NVL: variants seen among roughly 807,000 people sequenced by gnomAD.
The protein encoded by NVL is nuclear VCP like.
A neutral mutation model predicts 110.2 loss-of-function variants in NVL; 84 were observed. That is an observed-to-expected ratio of 0.76 (90% CI 0.64 to 0.91). The LOEUF (loss-of-function observed/expected upper bound fraction) is 0.91, where lower values mean the gene tolerates loss of function less well. Ranked by LOEUF, NVL falls within the 40% of genes least tolerant of loss-of-function variation. The pLI is 0.00. For missense variants in NVL, 882 were observed against 1,035.9 expected (o/e 0.85, Z 2.04); for synonymous variants, 354 against 361.1 (o/e 0.98, Z 0.22).
chr1:224,282,530 G>T (rs1486949132), intron 15 of NVL, among the ~76,000 whole-genome samples: 1 of 152,210 alleles, frequency 6.6e-6, no homozygotes. Context: ...TCAGTGTTGA[G>T]AAACTCATAG....
chr1:224,261,958 C>T (rs1173431904), intron 18 of NVL, among the ~76,000 whole-genome samples: 1 of 151,930 alleles, frequency 6.6e-6, no homozygotes, highest in Non-Finnish European at 1.5e-5. Flanking sequence ...GAGACCCTGT[C>T]TCAAAAATAC....
chr1:224,322,723 G>A (rs1286405134), intron 2 of NVL, among the ~76,000 whole-genome samples: 1 of 152,152 alleles, frequency 6.6e-6, no homozygotes, highest in African/African-American at 2.4e-5. Flanking sequence ...GGAGAATGAG[G>A]CGGGCAGATT....
chr1:224,327,185 G>A (rs1450901709), intron 1 of NVL, among the ~76,000 whole-genome samples: 4 of 151,740 alleles, frequency 2.6e-5, no homozygotes, highest in East Asian at 1.9e-4. Context: ...GCTCACACCC[G>A]TAATCCCAGC....
At chr1:224,234,041 C>T (rs1389105830) in intron 20 of NVL, among the ~76,000 whole-genome samples, 1 of 151,960 alleles carries the variant, frequency 6.6e-6, no homozygotes, top group Non-Finnish European at 1.5e-5. Flanking sequence ...AGAAAACCCC[C>T]CAAAAAGTCA....
intron 17 of NVL, among the ~76,000 whole-genome samples, chr1:224,274,534 G>A (rs988296367): frequency 6.6e-6 from 1 of 151,936 alleles, no homozygotes; most frequent in Non-Finnish European, 1.5e-5. Flanking sequence ...CTACTCAGGA[G>A]GCTGAGGGAG....
At chr1:224,302,939 C>T in intron 9 of NVL, 1 of 313,730 alleles carries the variant, frequency 3.2e-6, no homozygotes, top group Non-Finnish European at 6.3e-6. Flanking sequence ...TTTCCAGTTA[C>T]TCGGGAGGCT....
chr1:224,294,501 G>T, intron 11 of NVL, 90 bp from the exon 12 acceptor site: 1 of 1,395,604 alleles, frequency 7.2e-7, no homozygotes, highest in Non-Finnish European at 1.0e-6. Flanking sequence ...TAAAGATAAA[G>T]TATTACAGAT....
chr1:224,252,687 G>A (rs7537786), intron 18 of NVL, among the ~76,000 whole-genome samples: 56,789 of 151,976 alleles, frequency 0.37, 10,877 homozygotes, highest in East Asian at 0.51. Context: ...CTTGGAAATA[G>A]GAAAGAATAT....
chr1:224,296,642 A>G (rs1667910179), intron 10 of NVL, 24 bp from the exon 11 acceptor site: 20 of 1,433,074 alleles, frequency 1.4e-5, no homozygotes, highest in Non-Finnish European at 1.9e-5. Context: ...TATCACAAAA[A>G]GACAATCATA....
At chr1:224,232,391 AAT>A (rs1659996092) in intron 21 of NVL, among the ~76,000 whole-genome samples, 1 of 151,990 alleles carries the variant, frequency 6.6e-6, no homozygotes, top group African/African-American at 2.4e-5. Flanking sequence ...ACAAAATAAA[AAT>A]AGAGACAGGG....
Position 224,317,749 on chromosome 1 carries a change from C to G in NVL, c.229G>C (p.Glu77Gln), listed in dbSNP as rs1381422700. Reference protein sequence around the residue: ...SSEKELKNLTELEDEHLAKRA... With the variant: ...SSEKELKNLTQLEDEHLAKRA... ...TTTGCCAAATGTTCATCTTCTAATTCTGTTAAATTCTTAAGTTCCTTCTCA... is the reference window on the plus strand; with the variant it reads ...TTTGCCAAATGTTCATCTTCTAATTGTGTTAAATTCTTAAGTTCCTTCTCA... Residue 77 changes from glutamate (E) to glutamine (Q), a missense_variant, in exon 4 of 23, where the codon GAA becomes CAA. Glu to Gln is a conservative substitution (Grantham distance 29). This residue lies in a region of NVL where 274 missense variants were observed against 268.4 expected (regional missense o/e 1.02). Transcript: ENST00000281701. 6.2e-7 allele frequency: 1 copy of G among 1,610,154 alleles called. No homozygotes were observed. The highest frequency in any genetic ancestry group is 8.5e-7 in the Non-Finnish European group (1 of 1,176,784).
At chr1:224,254,579 T>TTG (rs1553310932) in intron 18 of NVL, among the ~76,000 whole-genome samples, 1 of 145,306 alleles carries the variant, frequency 6.9e-6, no homozygotes, top group Non-Finnish European at 1.5e-5. Context: ...TTTGTTTTTT[T>TTG]TTTTTTTGTA....
At chr1:224,301,450 T>C (rs1360403761) in intron 9 of NVL, among the ~76,000 whole-genome samples, 1 of 152,142 alleles carries the variant, frequency 6.6e-6, no homozygotes, top group African/African-American at 2.4e-5. Context: ...GCAAGGGTTG[T>C]GACACAGATG....
intron 8 of NVL, among the ~76,000 whole-genome samples, chr1:224,304,170 T>TA (rs1668685523): frequency 6.6e-6 from 1 of 152,202 alleles, no homozygotes; most frequent in Admixed American, 6.5e-5. Context: ...CTCACGCCTG[T>TA]AATCCCAGCA....
chr1:224,328,119 C>T (rs146529436), intron 1 of NVL, among the ~76,000 whole-genome samples: 2,833 of 152,128 alleles, frequency 0.019, 49 homozygotes, highest in Admixed American at 0.061. Flanking sequence ...ATGTGCAGAA[C>T]ATGCGGGTTT....
chr1:224,251,944 T>C (rs1301828143), intron 18 of NVL, among the ~76,000 whole-genome samples: 2 of 152,182 alleles, frequency 1.3e-5, no homozygotes, highest in Non-Finnish European at 2.9e-5. Flanking sequence ...GTTATTGTCC[T>C]AAAATACACG....
At chr1:224,260,012 T>C (rs1223309919) in intron 18 of NVL, among the ~76,000 whole-genome samples, 1 of 152,158 alleles carries the variant, frequency 6.6e-6, no homozygotes, top group African/African-American at 2.4e-5. Context: ...TCATAGCATC[T>C]ATAACTCAGC....
At chr1:224,285,230 T>A (rs1666746043) in intron 15 of NVL, among the ~76,000 whole-genome samples, 1 of 151,922 alleles carries the variant, frequency 6.6e-6, no homozygotes, top group Non-Finnish European at 1.5e-5. Flanking sequence ...AGGTCAGGAG[T>A]TCGAGACCAG....
Position 224,296,577 on chromosome 1 carries a change from A to G in NVL, c.1104T>C (p.Ala368=). The stretch of plus-strand genomic sequence containing the variant: ...AAGCCACTTCTCTTTTGGGGGTAAT[A>G]GCATCAATTTCATCAATGAAAATGA... ...PCIIFIDEID[A]ITPKREVASK... is the part of the protein sequence containing the mutation. The change falls in exon 11 of 23, where the codon GCT becomes GCC. Residue 368 remains alanine, a synonymous_variant. Transcript: ENST00000281701. The G allele has an allele frequency of 6.2e-7, 1 of 1,602,386 alleles. No homozygotes were observed. The highest frequency in any genetic ancestry group is 8.5e-7 in the Non-Finnish European group (1 of 1,176,160).
Sources: allele counts gnomAD v4.1 joint callset (sites outside exome capture counted in the v4.1 genomes callset), GRCh38; gene constraint gnomAD v4.1.1; regional missense constraint gnomAD v4.1.1; transcripts MANE v1.5; gene names NCBI Gene and HGNC (gene_info 2026-07-23, HGNC 2026-07-21).